Variants in CSMD1 observed in about 807,000 individuals in gnomAD.
CSMD1 encodes the protein CUB and Sushi multiple domains 1.
Under a neutral mutation model 417.5 loss-of-function variants are expected in CSMD1, and 213 were observed. The ratio of observed to expected loss-of-function variants is 0.51; its 90% confidence interval spans 0.46 to 0.57. CSMD1 has a LOEUF of 0.57. Among genes scored for constraint, CSMD1 ranks in the 20% least tolerant of loss-of-function variants. The pLI, the probability that CSMD1 is intolerant of heterozygous loss-of-function variation, is 0.00. For synonymous variants in CSMD1, 2,862 were observed against 1,736.8 expected (o/e 1.65, Z -16.11); for missense variants, 6,923 against 4,529.7 (o/e 1.53, Z -15.17).
chr8:3,579,917 A>C (rs1800310626), intron 9 of CSMD1, among the ~76,000 whole-genome samples: 1 of 152,132 alleles, frequency 6.6e-6, no homozygotes, highest in Non-Finnish European at 1.5e-5. Context: ...CAGCATGGCC[A>C]ACATGGTGAA....
chr8:4,694,683 T>A (rs567888101), intron 1 of CSMD1, among the ~76,000 whole-genome samples: 2 of 152,088 alleles, frequency 1.3e-5, no homozygotes, highest in African/African-American at 4.8e-5. Flanking sequence ...CCTAGATACA[T>A]TGATTGATGT....
chr8:4,775,705 A>G (rs985688211), intron 1 of CSMD1, among the ~76,000 whole-genome samples: 4 of 152,186 alleles, frequency 2.6e-5, no homozygotes, highest in Non-Finnish European at 4.4e-5. Flanking sequence ...AGCGTCTGTC[A>G]TGGCCCACGT....
At chr8:4,169,358 C>T (rs926097929) in intron 3 of CSMD1, among the ~76,000 whole-genome samples, 1 of 152,130 alleles carries the variant, frequency 6.6e-6, no homozygotes. Flanking sequence ...TAAATGGCGA[C>T]TGCGTTTTCC....
chr8:4,298,795 G>A (rs7822424), intron 3 of CSMD1, among the ~76,000 whole-genome samples: 73,938 of 151,794 alleles, frequency 0.49, 18,292 homozygotes, highest in East Asian at 0.82. Flanking sequence ...TGAAGAATGT[G>A]TTTGTAAAAT....
chr8:3,299,307 C>T (rs985407121), intron 25 of CSMD1, among the ~76,000 whole-genome samples: 1 of 152,060 alleles, frequency 6.6e-6, no homozygotes, highest in African/African-American at 2.4e-5. Flanking sequence ...TAAAAATCAG[C>T]TGGGCATGGT....
At chr8:4,069,762 T>C (rs953848894) in intron 3 of CSMD1, among the ~76,000 whole-genome samples, 2 of 152,180 alleles carry the variant, frequency 1.3e-5, no homozygotes, top group African/African-American at 2.4e-5. Context: ...ACTTCACCTT[T>C]ATCTTCCAAA....
intron 49 of CSMD1, among the ~76,000 whole-genome samples, chr8:3,083,067 T>A (rs1396950468): frequency 6.6e-6 from 1 of 152,194 alleles, no homozygotes; most frequent in Non-Finnish European, 1.5e-5. Context: ...GCTCACCTAG[T>A]CTTCTGTTTC....
chr8:3,927,900 T>TA (rs1442023358), intron 5 of CSMD1, among the ~76,000 whole-genome samples: 2 of 152,172 alleles, frequency 1.3e-5, no homozygotes, highest in Non-Finnish European at 2.9e-5. Flanking sequence ...GAAGGTTACC[T>TA]AAAAAATCAT....
intron 3 of CSMD1, among the ~76,000 whole-genome samples, chr8:4,205,690 G>C (rs1799938430): frequency 2.0e-5 from 3 of 151,822 alleles, no homozygotes; most frequent in Admixed American, 2.0e-4. Context: ...TTTTTACAAA[G>C]TTTCTTCCTA....
intron 2 of CSMD1, among the ~76,000 whole-genome samples, chr8:4,512,682 T>C (rs929099084): frequency 2.6e-5 from 4 of 152,056 alleles, no homozygotes; most frequent in Non-Finnish European, 1.5e-5. Flanking sequence ...AATAATACCA[T>C]TTACATTAGC....
chr8:4,309,444 T>C (rs915731849), intron 3 of CSMD1, among the ~76,000 whole-genome samples: 1 of 148,942 alleles, frequency 6.7e-6, no homozygotes, highest in African/African-American at 2.6e-5. Flanking sequence ...TTTATAATTT[T>C]AATATTATGA....
intron 38 of CSMD1, among the ~76,000 whole-genome samples, chr8:3,160,475 G>C (rs1461968155): frequency 1.3e-5 from 2 of 152,142 alleles, no homozygotes; most frequent in Non-Finnish European, 2.9e-5. Flanking sequence ...GTGTCCTAAA[G>C]ATTCAGCCTG....
intron 3 of CSMD1, among the ~76,000 whole-genome samples, chr8:4,279,469 T>C (rs1055774524): frequency 3.9e-5 from 6 of 152,190 alleles, no homozygotes; most frequent in African/African-American, 9.6e-5. Context: ...GCCCATTTAA[T>C]AGCGTTTTTT....
At chr8:3,631,049 C>T (rs985710550) in intron 7 of CSMD1, among the ~76,000 whole-genome samples, 12 of 152,150 alleles carry the variant, frequency 7.9e-5, no homozygotes, top group African/African-American at 2.2e-4. Context: ...TTTGCTCGTG[C>T]CGCTCCTTCC....
At chr8:3,563,755 G>A (rs967637380) in intron 10 of CSMD1, among the ~76,000 whole-genome samples, 1 of 152,002 alleles carries the variant, frequency 6.6e-6, no homozygotes, top group African/African-American at 2.4e-5. Flanking sequence ...TAGGTGTGGT[G>A]GTAGGCATCT....
intron 1 of CSMD1, among the ~76,000 whole-genome samples, chr8:4,850,299 T>G (rs1801389055): frequency 6.6e-6 from 1 of 151,524 alleles, no homozygotes; most frequent in Non-Finnish European, 1.5e-5. Flanking sequence ...AAACATTTTC[T>G]CCCATTCTAC....
intron 55 of CSMD1, among the ~76,000 whole-genome samples, chr8:2,976,415 T>C (rs1440230567): frequency 6.6e-6 from 1 of 152,124 alleles, no homozygotes; most frequent in Admixed American, 6.6e-5. Flanking sequence ...CAGCCTGGAG[T>C]GCAGTGGTGC....
chr8:3,999,734 C>A (rs1170298263), intron 4 of CSMD1, among the ~76,000 whole-genome samples: 4 of 152,088 alleles, frequency 2.6e-5, no homozygotes, highest in Non-Finnish European at 5.9e-5. Context: ...TTAGAATGGA[C>A]GTCTTTGAGA....
At chr8:3,649,976 G>C (rs1173527976) in intron 7 of CSMD1, among the ~76,000 whole-genome samples, 1 of 152,006 alleles carries the variant, frequency 6.6e-6, no homozygotes, top group Non-Finnish European at 1.5e-5. Context: ...TGCTAGGAGA[G>C]GTTAAAAAAA....
Sources: gnomAD v4.1 joint callset for allele counts (sites outside exome capture counted in the v4.1 genomes callset) on GRCh38, gnomAD v4.1.1 for gene constraint, MANE v1.5 for transcripts, NCBI Gene and HGNC (gene_info 2026-07-23, HGNC 2026-07-21) for gene names.